Variants in CSMD3 observed in about 807,000 individuals in gnomAD.
CSMD3 encodes the protein CUB and Sushi multiple domains 3, also known as CUB and sushi domain-containing protein 3.
A neutral mutation model predicts 435.2 loss-of-function variants in CSMD3; 177 were observed. The observed-to-expected ratio is 0.41, with a 90% confidence interval of 0.36 to 0.46. CSMD3 has a LOEUF of 0.46. Ranked by LOEUF, CSMD3 falls within the 20% of genes least tolerant of loss-of-function variation. CSMD3 has a pLI of 0.34. For synonymous variants in CSMD3, 1,656 were observed against 1,520.5 expected (o/e 1.09, Z -2.07); for missense variants, 4,265 against 4,504.6 (o/e 0.95, Z 1.52).
intron 32 of CSMD3, among the ~76,000 whole-genome samples, chr8:112,455,240 A>G (rs780628739): frequency 2.6e-5 from 4 of 152,198 alleles, no homozygotes; most frequent in Non-Finnish European, 5.9e-5. Flanking sequence ...CTTACACATC[A>G]TGTAATAATA....
chr8:112,823,494 G>A (rs1298860596), intron 12 of CSMD3, among the ~76,000 whole-genome samples: 1 of 152,136 alleles, frequency 6.6e-6, no homozygotes, highest in Admixed American at 6.6e-5. Context: ...TACTTTAGCT[G>A]TGTCCCAGAG....
intron 1 of CSMD3, among the ~76,000 whole-genome samples, chr8:113,374,197 T>C (rs1380612956): frequency 6.6e-6 from 1 of 152,072 alleles, no homozygotes; most frequent in African/African-American, 2.4e-5. Flanking sequence ...CATATGAGTA[T>C]AGACACAGAA....
chr8:112,584,332 TTAAAAAAA>T (rs1157603177), intron 23 of CSMD3, among the ~76,000 whole-genome samples: 1 of 151,524 alleles, frequency 6.6e-6, no homozygotes, highest in African/African-American at 2.4e-5. Context: ...TAATCAAAAC[TTAAAAAAA>T]ATCTAGAGGA....
intron 1 of CSMD3, among the ~76,000 whole-genome samples, chr8:113,401,196 A>G (rs933185194): frequency 6.6e-6 from 1 of 151,770 alleles, no homozygotes; most frequent in Non-Finnish European, 1.5e-5. Context: ...TGAAATAAAC[A>G]TCTGCTTAGA....
intron 1 of CSMD3, among the ~76,000 whole-genome samples, chr8:113,329,617 AT>A (rs1426278125): frequency 1.3e-5 from 2 of 152,124 alleles, no homozygotes; most frequent in Non-Finnish European, 2.9e-5. Flanking sequence ...TTCAAATATG[AT>A]TTCAAAATAT....
chr8:112,814,020 C>T (rs2079302315), intron 12 of CSMD3, among the ~76,000 whole-genome samples: 1 of 152,184 alleles, frequency 6.6e-6, no homozygotes, highest in Non-Finnish European at 1.5e-5. Context: ...CTGCCTCTTG[C>T]ACTTATCAAA....
chr8:113,081,446 CAGA>C (rs1205048040), intron 5 of CSMD3, among the ~76,000 whole-genome samples: 1 of 152,116 alleles, frequency 6.6e-6, no homozygotes, highest in East Asian at 1.9e-4. Context: ...AAAAGGTAAG[CAGA>C]AGATCCTCAG....
At chr8:113,128,798 AT>A (rs1465858026) in intron 4 of CSMD3, among the ~76,000 whole-genome samples, 6 of 152,072 alleles carry the variant, frequency 3.9e-5, no homozygotes, top group African/African-American at 1.2e-4. Flanking sequence ...TTTCAAATTA[AT>A]ACATAGCTAC....
intron 17 of CSMD3, among the ~76,000 whole-genome samples, chr8:112,657,305 C>T (rs1389891236): frequency 1.3e-5 from 2 of 152,056 alleles, no homozygotes; most frequent in African/African-American, 4.8e-5. Context: ...TCAAGTGATC[C>T]ACCTGTCTTG....
intron 4 of CSMD3, among the ~76,000 whole-genome samples, chr8:113,146,648 A>T (rs934568210): frequency 6.6e-6 from 1 of 151,624 alleles, no homozygotes; most frequent in African/African-American, 2.4e-5. Flanking sequence ...AGAATGAACA[A>T]ATTTGAGTGG....
intron 22 of CSMD3, among the ~76,000 whole-genome samples, chr8:112,632,186 T>C (rs548165204): frequency 3.9e-5 from 6 of 152,194 alleles, no homozygotes; most frequent in Admixed American, 3.9e-4. Context: ...GAAGTTACAA[T>C]GATAGTACAG....
intron 3 of CSMD3, among the ~76,000 whole-genome samples, chr8:113,191,912 G>T (rs1432283520): frequency 6.6e-6 from 1 of 151,744 alleles, no homozygotes; most frequent in South Asian, 2.1e-4. Flanking sequence ...GCCAGCATCT[G>T]TTATTTCTTG....
chr8:112,631,465 T>C (rs985762140), intron 22 of CSMD3, among the ~76,000 whole-genome samples: 52 of 152,154 alleles, frequency 3.4e-4, no homozygotes, highest in African/African-American at 1.2e-3. Context: ...ATAAATAAGG[T>C]AATAAATGAA....
Position 112,647,053 on chromosome 8 carries a change from C to G in CSMD3, c.3194-1828G>C, listed in dbSNP as rs7816252. 2.5e-3 allele frequency among the ~76,000 whole-genome samples: 372 copies of G among 150,860 alleles called. 1 individual carries two copies. The highest frequency in any genetic ancestry group is 8.1e-3 in the African/African-American group (337 of 41,464). On this transcript the variant is annotated intron_variant, in intron 19 of 70. Transcript: ENST00000297405. ...AAAAATGCTGTAATTATTCGGTTTA[C>G]AGATGAGAAAGCAAGCAAGTATAGA...
intron 5 of CSMD3, among the ~76,000 whole-genome samples, chr8:113,019,960 G>A (rs1398878036): frequency 1.3e-5 from 2 of 151,286 alleles, no homozygotes; most frequent in South Asian, 4.2e-4. Context: ...TCAGGAGATC[G>A]AGACCATCCT....
intron 10 of CSMD3, among the ~76,000 whole-genome samples, chr8:112,908,825 T>C (rs1055550749): frequency 6.6e-6 from 1 of 151,692 alleles, no homozygotes; most frequent in African/African-American, 2.4e-5. Flanking sequence ...TATGATGTTT[T>C]ATTGTTCTTT....
intron 3 of CSMD3, among the ~76,000 whole-genome samples, chr8:113,259,476 C>T (rs1390392353): frequency 6.6e-6 from 1 of 152,084 alleles, no homozygotes; most frequent in Non-Finnish European, 1.5e-5. Flanking sequence ...CTGAGGTTTT[C>T]TATGTTCATG....
intron 22 of CSMD3, 49 bp from the exon 23 acceptor site, chr8:112,587,284 C>T (rs778100353): frequency 7.6e-7 from 1 of 1,324,296 alleles, no homozygotes; most frequent in East Asian, 2.3e-5. Flanking sequence ...ATAGCAGTAT[C>T]ATTTTCAAGC....
intron 13 of CSMD3, among the ~76,000 whole-genome samples, chr8:112,736,362 A>C (rs13261060): frequency 0.83 from 125,566 of 152,040 alleles, 52,005 homozygotes; most frequent in East Asian, 0.92. Context: ...TCTAGGTTTA[A>C]TCATGCTCTG....
Sources: gnomAD v4.1 joint callset for allele counts (sites outside exome capture counted in the v4.1 genomes callset) on GRCh38, gnomAD v4.1.1 for gene constraint, MANE v1.5 for transcripts, NCBI Gene and HGNC (gene_info 2026-07-23, HGNC 2026-07-21) for gene names.